The following SLC30A7 variants were observed in gnomAD, a reference collection of about 807,000 sequenced individuals.
The protein encoded by SLC30A7 is solute carrier family 30 member 7, also known as zinc transporter 7.
SLC30A7 carries 35 observed loss-of-function variants against 46.0 expected under a neutral mutation model. The ratio of observed to expected loss-of-function variants is 0.76; its 90% CI spans 0.58 to 1.01. The LOEUF (loss-of-function observed/expected upper bound fraction) is 1.01. Ranked by LOEUF, SLC30A7 falls within the 50% of genes least tolerant of loss-of-function variation. SLC30A7 has a pLI of 0.00. For missense variants in SLC30A7, 464 were observed against 451.1 expected (o/e 1.03, Z -0.26); for synonymous variants, 147 against 157.8 (o/e 0.93, Z 0.51).
chr1:100,935,499 A>G (rs72734268), intron 8 of SLC30A7, among the ~76,000 whole-genome samples: 2,538 of 152,306 alleles, frequency 0.017, 33 homozygotes, highest in Middle Eastern at 0.031. Flanking sequence ...AGCTATAGTG[A>G]TAGACTTGGT....
At chr1:100,984,331 C>T (rs1208528784), downstream of SLC30A7, among the ~76,000 whole-genome samples, 2 of 152,190 alleles carry the variant, frequency 1.3e-5, no homozygotes, top group African/African-American at 4.8e-5. Context: ...AATTTTCTGG[C>T]CAGAGGCTCA....
chr1:100,896,442 T>A (rs1408324555), intron 1 of SLC30A7, 100 bp downstream of exon 1: 1 of 1,462,106 alleles, frequency 6.8e-7, no homozygotes, highest in Non-Finnish European at 9.6e-7. Context: ...AGTCAAAAAC[T>A]CCCCGTCAAC....
chr1:100,964,330 T>C lies in SLC30A7; in HGVS notation c.934-1439T>C, dbSNP rs142054995. On this transcript the variant is annotated intron_variant, in intron 9 of 10. Coordinates refer to ENST00000357650, the MANE Select transcript of SLC30A7 (RefSeq NM_133496.5). ...AACCTATATATGTTATATACATGTA[T>C]GTATATATGTTATATATACATATAC... 3.8e-4 allele frequency among the ~76,000 whole-genome samples: 42 copies of C among 110,472 alleles called. No individual in the cohort carries two copies. In the East Asian group the frequency reaches 7.7e-3, roughly 20 times the overall value. The allele number at this position is 110,472 out of a possible 152,430, so 72.5% of individuals were successfully genotyped here.
At chr1:100,983,381 A>C (rs545169765), downstream of SLC30A7, among the ~76,000 whole-genome samples, 10 of 144,994 alleles carry the variant, frequency 6.9e-5, no homozygotes, top group African/African-American at 1.0e-4. Context: ...GAGGCAAAAA[A>C]AAAAAAAAAC....
At position 100,981,176 on chromosome 1, in the gene SLC30A7, A is replaced by G. The variant is rs2101113316; in HGVS notation, c.*6319A>G. ...TATTTGAATTTTGTTTATGTATCAC[A>G]TACTGTGCTACAGTTAGCCTCAATG... On this transcript the variant is annotated 3_prime_UTR_variant, in exon 11 of 11. Transcript: ENST00000357650. 1 of 152,242 alleles carries G rather than the reference A, an allele frequency of 6.6e-6. No individual in the cohort carries two copies. Among genetic ancestry groups the G allele is most frequent in the Non-Finnish European group, 1.5e-5 (1 of 67,966 alleles). The allele number at this position is 152,242 out of a possible 1,614,324, so 9.4% of individuals were successfully genotyped here. A position where few individuals can be genotyped will look rare whatever the true frequency, so the allele number is the denominator to read the frequency against.
At chr1:100,970,083 G>A (rs1442582166) in intron 10 of SLC30A7, among the ~76,000 whole-genome samples, 1 of 151,840 alleles carries the variant, frequency 6.6e-6, no homozygotes, top group Non-Finnish European at 1.5e-5. Context: ...CTCCCTTTTC[G>A]ATCACATAGA....
At chr1:100,993,654 A>G in the SLC30A7 span, among the ~76,000 whole-genome samples, 2 of 144,832 alleles carry the variant, frequency 1.4e-5, no homozygotes, top group Admixed American at 1.4e-4. Context: ...TCTCAAAAAA[A>G]TTCTGTCAGT....
the SLC30A7 span, among the ~76,000 whole-genome samples, chr1:100,992,471 T>G: frequency 1.3e-5 from 2 of 152,138 alleles, no homozygotes; most frequent in African/African-American, 4.8e-5. Context: ...CACTACAACT[T>G]GAAGCCTATG....
rs989083984 is a variant in SLC30A7 at position 100,906,883 on chromosome 1, T to C, written c.214T>C (p.Phe72Leu). 1.9e-6 allele frequency: 3 copies of C among 1,613,278 alleles called. No homozygotes were observed. The highest frequency in any genetic ancestry group is 2.5e-6 in the Non-Finnish European group (3 of 1,179,430). Residue 72 changes from phenylalanine to leucine, a missense_variant, in exon 3 of 11, where the codon TTT becomes CTT. Phe to Leu is a conservative substitution (Grantham distance 22). Coordinates refer to ENST00000357650, the MANE Select transcript of SLC30A7 (RefSeq NM_133496.5). ...CTTGATTTCCGACTCTTTTCACATG[T>C]TTTTCGATAGCACTGCCATTTTGGC... ...LGLISDSFHM[F>L]FDSTAILAGL...
At chr1:100,948,517 T>C (rs1168109684) in intron 8 of SLC30A7, among the ~76,000 whole-genome samples, 1 of 152,158 alleles carries the variant, frequency 6.6e-6, no homozygotes, top group African/African-American at 2.4e-5. Context: ...GACAATTGTG[T>C]GTCTTGGGGT....
chr1:100,965,901 C>A lies in SLC30A7; in HGVS notation c.1066C>A (p.His356Asn), dbSNP rs538786032. 53 of 1,612,154 alleles carry A rather than the reference C, an allele frequency of 3.3e-5. No individual in the cohort carries two copies. The African/African-American group carries it at 6.4e-4, about 19-fold the overall frequency. The change falls in exon 10 of 11, where the codon CAT becomes AAT. Residue 356 changes from histidine to asparagine, a missense_variant. Coordinates refer to ENST00000357650, the MANE Select transcript of SLC30A7 (RefSeq NM_133496.5). ...ADARWILSQT[H>N]NIFTQAGVRQ... ...TGCTAGGTGGATTTTAAGCCAAACA[C>A]ATAATATTTTTACTCAGGTATGTCT... is the stretch of plus-strand genomic sequence containing the variant.
intron 10 of SLC30A7, among the ~76,000 whole-genome samples, chr1:100,971,329 G>T (rs1393101962): frequency 6.6e-6 from 1 of 151,842 alleles, no homozygotes; most frequent in Non-Finnish European, 1.5e-5. Context: ...TAAGCTTTTG[G>T]TCAAGGGCTT....
At chr1:100,941,230 A>G (rs968926819) in intron 8 of SLC30A7, 14 of 376,800 alleles carry the variant, frequency 3.7e-5, no homozygotes, top group Admixed American at 6.0e-5. Context: ...CCATTATTAC[A>G]AAATCCATTT....
chr1:100,924,410 C>T (rs1463851889), intron 8 of SLC30A7, among the ~76,000 whole-genome samples: 3 of 152,044 alleles, frequency 2.0e-5, no homozygotes, highest in Non-Finnish European at 4.4e-5. Context: ...ACACCCCCCA[C>T]CCCTTCCCAC....
At chr1:100,960,954 T>C (rs1208194132) in intron 8 of SLC30A7, among the ~76,000 whole-genome samples, 2 of 146,026 alleles carry the variant, frequency 1.4e-5, no homozygotes, top group East Asian at 2.0e-4. Flanking sequence ...TGTGTTTTTT[T>C]TTTTTTTTTT....
intron 8 of SLC30A7, among the ~76,000 whole-genome samples, chr1:100,961,462 T>C (rs1364612853): frequency 6.6e-6 from 1 of 152,224 alleles, no homozygotes; most frequent in Non-Finnish European, 1.5e-5. Flanking sequence ...AATAGGCTGA[T>C]GTATTCATTT....
chr1:100,924,610 C>G (rs1307956913), intron 8 of SLC30A7, among the ~76,000 whole-genome samples: 1 of 151,386 alleles, frequency 6.6e-6, no homozygotes, highest in Non-Finnish European at 1.5e-5. Flanking sequence ...CCCTCAAGCT[C>G]CATTAGGGCA....
At position 100,918,122 on chromosome 1, in the gene SLC30A7, T is replaced by C; in HGVS notation, c.701T>C (p.Leu234Ser). ...ACAACAGGACCCAGCAGACAGATTT[T>C]ACAAGGTATGACAAGCAATTTTTAT... ...KETTGPSRQILQGVFLHILAD... is the reference protein window; with the variant it reads ...KETTGPSRQISQGVFLHILAD... Residue 234 changes from leucine to serine, a missense_variant, in exon 7 of 11, where the codon TTA becomes TCA. Transcript: ENST00000357650. 5.0e-6 allele frequency: 8 copies of C among 1,612,130 alleles called. No homozygotes were observed. Among genetic ancestry groups the C allele is most frequent in the Non-Finnish European group, 6.8e-6 (8 of 1,178,664 alleles).
the SLC30A7 span, chr1:100,990,053 C>T: frequency 2.3e-5 from 6 of 258,492 alleles, no homozygotes; most frequent in South Asian, 1.5e-4. Flanking sequence ...AAGAAATACC[C>T]GAGACTGGGT....
Sources: gnomAD v4.1 joint callset for allele counts (sites outside exome capture counted in the v4.1 genomes callset) on GRCh38, gnomAD v4.1.1 for gene constraint, MANE v1.5 for transcripts, NCBI Gene and HGNC (gene_info 2026-07-23, HGNC 2026-07-21) for gene names.